The following GRIN3A variants were observed in gnomAD, a reference collection of about 807,000 sequenced individuals.
GRIN3A encodes glutamate receptor ionotropic, NMDA 3A.
A neutral mutation model predicts 92.4 loss-of-function variants in GRIN3A; 47 were observed. The observed-to-expected ratio is 0.51, with a 90% confidence interval of 0.40 to 0.65. GRIN3A has a LOEUF of 0.65. Among genes scored for constraint, GRIN3A ranks in the 30% least tolerant of loss-of-function variants. The pLI is 0.00. For missense variants in GRIN3A, 1,324 were observed against 1,393.1 expected, an observed-to-expected ratio of 0.95 and a Z score of 0.79; for synonymous variants, 527 against 540.6, an observed-to-expected ratio of 0.97 and a Z score of 0.35.
In GRIN3A at chr9:101,623,321, C is replaced by G. The variant is rs1373571084; in HGVS notation, c.2611G>C (p.Glu871Gln). The G allele has an allele frequency of 6.2e-7, 1 of 1,601,040 alleles. No individual in the cohort carries two copies. The highest frequency in any genetic ancestry group is 1.3e-5 in the African/African-American group (1 of 74,780). Residue 871 changes from glutamate (E) to glutamine (Q), a missense_variant, in exon 5 of 9, where the codon GAA becomes CAA. Coordinates refer to ENST00000361820, the MANE Select transcript of GRIN3A (RefSeq NM_133445.3). ...ATCAAGAGTGACTGATTAATACCTT[C>G]TATGGCAAATGGCTTCCCCACAGTG... ...LLTVGKPFAI[E>Q]GYGIGLPPNS...
At chr9:101,706,216 A>G (rs985021620) in intron 1 of GRIN3A, among the ~76,000 whole-genome samples, 2 of 152,224 alleles carry the variant, frequency 1.3e-5, no homozygotes, top group Non-Finnish European at 2.9e-5. Flanking sequence ...CTTTTCAAAG[A>G]AATACAGATA....
intron 1 of GRIN3A, among the ~76,000 whole-genome samples, chr9:101,688,569 G>T (rs1829567999): frequency 6.6e-6 from 1 of 152,130 alleles, no homozygotes; most frequent in East Asian, 1.9e-4. Flanking sequence ...TTGATTACAT[G>T]CTAAGTGTTC....
At chr9:101,672,348 T>G (rs1829339061) in intron 2 of GRIN3A, among the ~76,000 whole-genome samples, 1 of 152,212 alleles carries the variant, frequency 6.6e-6, no homozygotes, top group East Asian at 1.9e-4. Context: ...TCAAGTTTTT[T>G]TCAGTCAAGG....
chr9:101,623,021 C>CACACACACAA lies in GRIN3A; in HGVS notation c.2614+296_2614+297insTTGTGTGTGT, dbSNP rs1250793431. Among the ~76,000 whole-genome samples, 835 of 151,686 alleles carry CACACACACAA rather than the reference C, an allele frequency of 5.5e-3. 8 individuals carry two copies. Among genetic ancestry groups the CACACACACAA allele is most frequent in the African/African-American group, 0.019 (802 of 41,294 alleles). The stretch of plus-strand genomic sequence containing the variant: ...ACACACACACACACACACACACACA[C>CACACACACAA]AATACAGATTAAATTAAAATTTATT... On this transcript the variant is annotated intron_variant, in intron 5 of 8. Coordinates refer to ENST00000361820, the MANE Select transcript of GRIN3A (RefSeq NM_133445.3).
chr9:101,692,445 G>T (rs1296425199), intron 1 of GRIN3A, among the ~76,000 whole-genome samples: 4 of 152,150 alleles, frequency 2.6e-5, no homozygotes, highest in African/African-American at 4.8e-5. Context: ...AGGATTGCCT[G>T]CAGGAAAGAG....
chr9:101,691,082 G>A (rs906768973), intron 1 of GRIN3A, among the ~76,000 whole-genome samples: 15 of 151,850 alleles, frequency 9.9e-5, no homozygotes, highest in Non-Finnish European at 5.9e-5. Context: ...AAAAATAAAG[G>A]AACATGAAAA....
At chr9:101,598,063 T>C (rs541561279) in intron 6 of GRIN3A, among the ~76,000 whole-genome samples, 3 of 152,318 alleles carry the variant, frequency 2.0e-5, no homozygotes, top group Admixed American at 6.5e-5. Context: ...GGAATAATAA[T>C]CTATAGCAGT....
rs569208796 is a variant in GRIN3A, at chr9:101,670,927, T to C, written c.1485A>G (p.Ile495Met). 2 of 1,613,814 alleles carry C rather than the reference T, an allele frequency of 1.2e-6. No individual in the cohort carries two copies. Among genetic ancestry groups the C allele is most frequent in the South Asian group, 2.2e-5 (2 of 91,074 alleles). ...QGGKIVMDYG[I>M]WPEQAQRHKT... The stretch of plus-strand genomic sequence containing the variant: ...TGTGTCTCTGGGCCTGCTCTGGCCA[T>C]ATTCCATAGTCCATGACAATCTTTC... Residue 495 changes from isoleucine to methionine, a missense_variant, in exon 3 of 9, where the codon ATA (isoleucine) becomes ATG (methionine). By Grantham distance (10) the Ile-to-Met change is conservative. Coordinates refer to ENST00000361820, the MANE Select transcript of GRIN3A (RefSeq NM_133445.3).
chr9:101,647,703 C>T (rs12342601), intron 3 of GRIN3A, among the ~76,000 whole-genome samples: 13,435 of 151,800 alleles, frequency 0.089, 860 homozygotes, highest in East Asian at 0.22. Flanking sequence ...GTTTTCTATT[C>T]CTTCATCATT....
At chr9:101,575,877 C>A (rs1388517488) in intron 8 of GRIN3A, among the ~76,000 whole-genome samples, 1 of 152,148 alleles carries the variant, frequency 6.6e-6, no homozygotes, top group Admixed American at 6.5e-5. Flanking sequence ...TAGACAGCCA[C>A]AGTGATAAGG....
Position 101,670,274 on chromosome 9 carries a change from A to T in GRIN3A, c.2138T>A (p.Val713Asp), listed in dbSNP as rs1369490027. 1.2e-6 allele frequency: 2 copies of T among 1,613,884 alleles called. No homozygotes were observed. Among genetic ancestry groups the T allele is most frequent in the Admixed American group, 3.3e-5 (2 of 59,984 alleles). ...GTTCAAGGCTGAAGAAAAGGAGAAGACTTTACTTCTATTTCGCCCCTTGGG... is the reference window on the plus strand; with the variant it reads ...GTTCAAGGCTGAAGAAAAGGAGAAGTCTTTACTTCTATTTCGCCCCTTGGG... ...LTPKGRNRSKVFSFSSALNIC... is the reference protein window; with the variant it reads ...LTPKGRNRSKDFSFSSALNIC... Residue 713 changes from valine to aspartate, a missense_variant, in exon 3 of 9, where the codon GTC (valine) becomes GAC (aspartate). By Grantham distance (152) the Val-to-Asp change is radical. Coordinates refer to ENST00000361820, the MANE Select transcript of GRIN3A (RefSeq NM_133445.3).
intron 1 of GRIN3A, among the ~76,000 whole-genome samples, chr9:101,717,262 A>T (rs2119022478): frequency 1.3e-5 from 2 of 152,276 alleles, no homozygotes; most frequent in Middle Eastern, 6.8e-3. Context: ...TCCTGGTCAC[A>T]TTTTGAAAAT....
At chr9:101,623,537 A>C in intron 4 of GRIN3A, 104 bp from the exon 5 acceptor site, 1 of 792,342 alleles carries the variant, frequency 1.3e-6, no homozygotes, top group South Asian at 1.4e-5. Context: ...CCCGAACACT[A>C]AGGGCCGCAC....
intron 3 of GRIN3A, among the ~76,000 whole-genome samples, chr9:101,633,521 G>C (rs1242992135): frequency 1.3e-5 from 2 of 152,164 alleles, no homozygotes; most frequent in African/African-American, 2.4e-5. Context: ...CCATGGACAG[G>C]TAATGGTCCG....
chr9:101,639,620 T>C (rs951106826), intron 3 of GRIN3A, among the ~76,000 whole-genome samples: 4 of 152,194 alleles, frequency 2.6e-5, no homozygotes, highest in Non-Finnish European at 5.9e-5. Flanking sequence ...ACCTCCAGTC[T>C]AGTGATGTAA....
intron 3 of GRIN3A, among the ~76,000 whole-genome samples, chr9:101,658,440 T>C (rs1341853417): frequency 6.6e-6 from 1 of 151,946 alleles, no homozygotes; most frequent in Non-Finnish European, 1.5e-5. Context: ...AGGAGATAAA[T>C]ATATACCCAT....
intron 1 of GRIN3A, among the ~76,000 whole-genome samples, chr9:101,705,567 C>G (rs1478169435): frequency 6.6e-6 from 1 of 152,136 alleles, no homozygotes; most frequent in East Asian, 1.9e-4. Flanking sequence ...TAAAGGAGCA[C>G]ACTGTAACAC....
In GRIN3A at chr9:101,573,041, C is replaced by T; in HGVS notation, c.*133G>A. On this transcript the variant is annotated 3_prime_UTR_variant, in exon 9 of 9. Coordinates refer to ENST00000361820, the MANE Select transcript of GRIN3A (RefSeq NM_133445.3). The stretch of plus-strand genomic sequence containing the variant: ...CTGCTGCACTTTAGGCGAGGGAGAG[C>T]AGACTTGACCTTTAAGAAGACCTAG... The T allele has an allele frequency of 1.3e-6, 1 of 761,884 alleles. No individual in the cohort carries two copies. The highest frequency in any genetic ancestry group is 2.3e-6 in the Non-Finnish European group (1 of 435,476). The allele number at this position is 761,884 out of a possible 1,614,324, so 47.2% of individuals were successfully genotyped here. A position where few individuals can be genotyped will look rare whatever the true frequency, so the allele number is the denominator to read the frequency against.
chr9:101,717,750 G>A (rs1321408867), intron 1 of GRIN3A, among the ~76,000 whole-genome samples: 1 of 152,178 alleles, frequency 6.6e-6, no homozygotes, highest in Non-Finnish European at 1.5e-5. Flanking sequence ...TCGCAGAAGA[G>A]GTGAATGAGG....
Sources: allele counts gnomAD v4.1 joint callset (sites outside exome capture counted in the v4.1 genomes callset), GRCh38; gene constraint gnomAD v4.1.1; transcripts MANE v1.5; gene names NCBI Gene and HGNC (gene_info 2026-07-23, HGNC 2026-07-21).